DNM3: variants seen among roughly 807,000 people sequenced by gnomAD.
DNM3 encodes the protein dynamin-3.
Under a neutral mutation model 101.6 loss-of-function variants are expected in DNM3, and 47 were observed. That is an observed-to-expected ratio of 0.46 (90% CI 0.37 to 0.59). DNM3 has a LOEUF of 0.59. Ranked by LOEUF, DNM3 falls within the 20% of genes least tolerant of loss-of-function variation. The pLI is 0.00. For missense variants in DNM3, 849 were observed against 1,085.7 expected (o/e 0.78, Z 3.06); for synonymous variants, 385 against 387.9 (o/e 0.99, Z 0.09).
At chr1:172,033,810 T>C (rs1339246374) in intron 6 of DNM3, among the ~76,000 whole-genome samples, 1 of 152,130 alleles carries the variant, frequency 6.6e-6, no homozygotes, top group East Asian at 1.9e-4. Flanking sequence ...GAATTGGGCC[T>C]TCTGCCTACC....
At chr1:172,099,839 T>G (rs780889080) in intron 13 of DNM3, among the ~76,000 whole-genome samples, 1 of 152,178 alleles carries the variant, frequency 6.6e-6, no homozygotes, top group Non-Finnish European at 1.5e-5. Context: ...TAAAAATATT[T>G]GTGGAACATT....
At position 172,407,959 on chromosome 1, in the gene DNM3, A is replaced by G; in HGVS notation, c.*118A>G. ...TGTGGACATCAGTAGGCAAGTAACCAGTTTTACTAATGCATTCATCGCTCA... is the reference window on the plus strand; with the variant it reads ...TGTGGACATCAGTAGGCAAGTAACCGGTTTTACTAATGCATTCATCGCTCA... On this transcript the variant is annotated 3_prime_UTR_variant, in exon 21 of 21. Transcript: ENST00000627582. 1.3e-6 allele frequency: 2 copies of G among 1,573,164 alleles called. No individual in the cohort carries two copies. The highest frequency in any genetic ancestry group is 1.7e-6 in the Non-Finnish European group (2 of 1,157,988).
At chr1:172,332,899 C>T (rs1010157319) in intron 17 of DNM3, among the ~76,000 whole-genome samples, 2 of 152,182 alleles carry the variant, frequency 1.3e-5, no homozygotes, top group African/African-American at 4.8e-5. Context: ...TAGGCAGTTA[C>T]ATATGTAAAT....
intron 14 of DNM3, chr1:172,138,207 A>C (rs2057356910): frequency 6.6e-6 from 1 of 152,128 alleles, no homozygotes; most frequent in Non-Finnish European, 1.5e-5. Context: ...ACTAGTTGGA[A>C]ATAGTAGTCT....
intron 2 of DNM3, among the ~76,000 whole-genome samples, chr1:171,930,336 TG>T (rs2125361588): frequency 6.6e-6 from 1 of 152,250 alleles, no homozygotes; most frequent in Non-Finnish European, 1.5e-5. Context: ...GCCGTGGAAT[TG>T]GGGCCTGCAG....
intron 15 of DNM3, among the ~76,000 whole-genome samples, chr1:172,272,324 AGAATT>A (rs1355407652): frequency 3.9e-5 from 6 of 152,138 alleles, no homozygotes; most frequent in African/African-American, 1.4e-4. Flanking sequence ...TGGATATAAT[AGAATT>A]AATATTTTTA....
At chr1:172,207,020 C>T (rs1279689603) in intron 14 of DNM3, among the ~76,000 whole-genome samples, 3 of 152,016 alleles carry the variant, frequency 2.0e-5, no homozygotes, top group African/African-American at 7.2e-5. Context: ...CCACAAATGC[C>T]TGGTAGATGC....
intron 12 of DNM3, among the ~76,000 whole-genome samples, chr1:172,084,895 T>C (rs1270953104): frequency 2.0e-5 from 3 of 152,180 alleles, no homozygotes; most frequent in Non-Finnish European, 4.4e-5. Flanking sequence ...TTTGTTCTAA[T>C]TTTTTAAAAA....
intron 2 of DNM3, among the ~76,000 whole-genome samples, chr1:171,968,197 A>G (rs1230635200): frequency 6.6e-6 from 1 of 152,228 alleles, no homozygotes; most frequent in East Asian, 1.9e-4. Context: ...TTTCTCTGCT[A>G]TTGAGGCTTC....
At chr1:172,373,307 T>G (rs1178118520) in intron 17 of DNM3, among the ~76,000 whole-genome samples, 3 of 152,088 alleles carry the variant, frequency 2.0e-5, no homozygotes, top group African/African-American at 7.2e-5. Flanking sequence ...TCATTTAGAC[T>G]TATAAACTCA....
intron 15 of DNM3, among the ~76,000 whole-genome samples, chr1:172,277,348 G>C (rs538620062): frequency 1.3e-5 from 2 of 152,046 alleles, no homozygotes; most frequent in African/African-American, 4.8e-5. Context: ...ATTTCACAGC[G>C]TTTTAGTAGT....
intron 2 of DNM3, among the ~76,000 whole-genome samples, chr1:171,934,001 A>G (rs756002198): frequency 1.3e-5 from 2 of 152,120 alleles, no homozygotes; most frequent in Non-Finnish European, 2.9e-5. Flanking sequence ...GATAGTAATC[A>G]TTTTCTCTTC....
chr1:172,073,503 CTATT>C (rs1432815868), intron 11 of DNM3, among the ~76,000 whole-genome samples: 1 of 152,028 alleles, frequency 6.6e-6, no homozygotes, highest in African/African-American at 2.4e-5. Context: ...GGCACATAGA[CTATT>C]TGAGAGTAAT....
Position 172,219,377 on chromosome 1 carries a change from CAA to C in DNM3, c.1660-34172_1660-34171del, listed in dbSNP as rs58783160. Among the ~76,000 whole-genome samples, 22 of 56,298 alleles carry C rather than the reference CAA, an allele frequency of 3.9e-4. No individual in the cohort carries two copies. The East Asian group carries it at 4.0e-3, about 10-fold the overall frequency. The allele number at this position is 56,298 out of a possible 152,430, so 36.9% of individuals were successfully genotyped here. On this transcript the variant is annotated intron_variant, in intron 14 of 20. Coordinates refer to ENST00000627582, the MANE Select transcript of DNM3 (RefSeq NM_015569.5). Reference sequence around the variant, plus strand: ...TGGGTGACAGAGGAATACCCTGTCTCAAAAAAAAAAAAAAAAAAAAAAAAAGA... The same window carrying C: ...TGGGTGACAGAGGAATACCCTGTCTCAAAAAAAAAAAAAAAAAAAAAAAGA...
Position 172,365,552 on chromosome 1 carries a change from T to C in DNM3, c.1894-13466T>C, listed in dbSNP as rs188917560. ...TTAGAAATACCAACTGAAATATTCA[T>C]GCATGAAATGAAAATAATGTAGACA... On this transcript the variant is annotated intron_variant, in intron 17 of 20. Coordinates refer to ENST00000627582, the MANE Select transcript of DNM3 (RefSeq NM_015569.5). Among the ~76,000 whole-genome samples, 60 of 152,134 alleles carry C rather than the reference T, an allele frequency of 3.9e-4. 2 individuals are homozygous for C. The highest frequency in any genetic ancestry group is 1.3e-3 in the African/African-American group (54 of 41,556).
At chr1:172,132,817 G>A (rs1026430601) in intron 14 of DNM3, 15 of 716,640 alleles carry the variant, frequency 2.1e-5, no homozygotes, top group African/African-American at 1.6e-4. Flanking sequence ...TATTGTTGAT[G>A]AGAAAACTAA....
chr1:172,052,006 A>G (rs10797735), intron 10 of DNM3, among the ~76,000 whole-genome samples: 53,041 of 152,040 alleles, frequency 0.35, 10,081 homozygotes, highest in East Asian at 0.64. Flanking sequence ...CTGCTGCCCC[A>G]TAGTGCTTCA....
intron 13 of DNM3, among the ~76,000 whole-genome samples, chr1:172,109,628 C>G (rs1275837408): frequency 6.6e-6 from 1 of 152,204 alleles, no homozygotes; most frequent in Non-Finnish European, 1.5e-5. Flanking sequence ...AGATGCAAAG[C>G]CTCGCTGTTT....
chr1:172,322,822 C>CT (rs112152513), intron 16 of DNM3, among the ~76,000 whole-genome samples: 284 of 145,220 alleles, frequency 2.0e-3, no homozygotes, highest in Middle Eastern at 7.1e-3. Context: ...TCTTTTCCTT[C>CT]TTTTTTTTTT....
Sources: gnomAD v4.1 joint callset for allele counts (sites outside exome capture counted in the v4.1 genomes callset) on GRCh38, gnomAD v4.1.1 for gene constraint, MANE v1.5 for transcripts, NCBI Gene and HGNC (gene_info 2026-07-23, HGNC 2026-07-21) for gene names.